Variants in TTC23 observed in about 807,000 individuals in gnomAD.
The protein encoded by TTC23 is tetratricopeptide repeat domain 23, also known as tetratricopeptide repeat protein 23.
Under a neutral mutation model 55.1 loss-of-function variants are expected in TTC23, and 58 were observed. That is an observed-to-expected ratio of 1.05 (90% CI 0.85 to 1.31). The LOEUF (loss-of-function observed/expected upper bound fraction) is 1.31. Among genes scored for constraint, TTC23 ranks in the 50% most tolerant of loss-of-function variants. TTC23 has a pLI of 0.00. For synonymous variants in TTC23, 203 were observed against 199.9 expected, an observed-to-expected ratio of 1.02 and a Z score of -0.13; for missense variants, 516 against 534.4, an observed-to-expected ratio of 0.97 and a Z score of 0.34.
At chr15:99,190,454 T>C (rs1214479198) in intron 9 of TTC23, among the ~76,000 whole-genome samples, 2 of 152,060 alleles carry the variant, frequency 1.3e-5, no homozygotes, top group African/African-American at 2.4e-5. Flanking sequence ...CTTGTTCTTA[T>C]AAAACATACA....
At chr15:99,162,800 C>A (rs1433494230) in intron 10 of TTC23, among the ~76,000 whole-genome samples, 1 of 152,038 alleles carries the variant, frequency 6.6e-6, no homozygotes. Context: ...GAGATTATGG[C>A]CGGGGGTGGT....
Position 99,147,203 on chromosome 15 carries a change from C to G in TTC23, c.1144-7804G>C, listed in dbSNP as rs185669291. ...TTGGGATTATAGGTGTGAGCCACAG[C>G]GCTGGGCCTCCAAATTCATTCCTTT... On this transcript the variant is annotated intron_variant, in intron 12 of 13. Coordinates refer to ENST00000394132, the MANE Select transcript of TTC23 (RefSeq NM_001288615.3). Among the ~76,000 whole-genome samples the G allele has an allele frequency of 6.0e-3, 879 of 145,762 alleles. 13 individuals carry two copies. Among genetic ancestry groups the G allele is most frequent in the Non-Finnish European group, 7.9e-3 (533 of 67,524 alleles).
At chr15:99,218,840 C>T (rs541024445) in intron 7 of TTC23, 58 bp downstream of exon 7, 46 of 1,594,718 alleles carry the variant, frequency 2.9e-5, no homozygotes, top group East Asian at 2.2e-4. Flanking sequence ...TTTTACTTGG[C>T]GTGTAAGTGT....
rs754993974 is a variant in TTC23, at chr15:99,175,094, A to G, written c.821T>C (p.Ile274Thr). The G allele has an allele frequency of 1.9e-6, 3 of 1,614,188 alleles. No homozygotes were observed. The highest frequency in any genetic ancestry group is 2.5e-6 in the Non-Finnish European group (3 of 1,180,032). ...SQVEAADSAH[I>T]VAHAAVASGR... ...TGAAGCGACAGCAGCATGGGCGACG[A>G]TGTGTGCCGAGTCTGCTGCCTCCAC... Residue 274 changes from isoleucine to threonine, a missense_variant, in exon 10 of 14, where the codon ATC becomes ACC. Coordinates refer to ENST00000394132, the MANE Select transcript of TTC23 (RefSeq NM_001288615.3).
chr15:99,190,157 G>A (rs1421165702), intron 9 of TTC23, among the ~76,000 whole-genome samples: 1 of 150,402 alleles, frequency 6.6e-6, no homozygotes, highest in Admixed American at 6.6e-5. Context: ...TCCAGCCTGG[G>A]TGACAAAGCA....
At chr15:99,145,873 A>AG (rs1373812043) in intron 12 of TTC23, among the ~76,000 whole-genome samples, 1 of 152,054 alleles carries the variant, frequency 6.6e-6, no homozygotes, top group Non-Finnish European at 1.5e-5. Context: ...TGGGAGATGA[A>AG]GGAGAAAGGG....
At chr15:99,170,682 A>T (rs1388872532) in intron 10 of TTC23, among the ~76,000 whole-genome samples, 1 of 152,242 alleles carries the variant, frequency 6.6e-6, no homozygotes, top group Non-Finnish European at 1.5e-5. Flanking sequence ...TGGAGGCAGC[A>T]GAGGCCTGGA....
chr15:99,143,184 T>C (rs999025361), intron 12 of TTC23, among the ~76,000 whole-genome samples: 13 of 152,236 alleles, frequency 8.5e-5, no homozygotes, highest in Non-Finnish European at 1.2e-4. Context: ...CTTCCAAAGA[T>C]AGCTTTTTAA....
intron 12 of TTC23, among the ~76,000 whole-genome samples, chr15:99,145,663 AGTCTATGTCTCTCTCTCT>A (rs2151845897): frequency 6.6e-6 from 1 of 152,136 alleles, no homozygotes; most frequent in Non-Finnish European, 1.5e-5. Context: ...TCTTTCTCTC[AGTCTATGTCTCTCTCTCT>A]GTCTCTGTCT....
At chr15:99,205,420 T>C (rs960692953) in intron 8 of TTC23, among the ~76,000 whole-genome samples, 9 of 152,150 alleles carry the variant, frequency 5.9e-5, no homozygotes, top group Non-Finnish European at 1.0e-4. Flanking sequence ...GCACTTCCAA[T>C]CCATGAACAT....
Position 99,223,179 on chromosome 15 carries a change from C to T in TTC23, c.181-1315G>A, listed in dbSNP as rs142231709. Reference sequence around the variant, plus strand: ...CAGTCTAAAGGAACTGGTGGCTTTGCTTTCTGTCTCTTCTTGGGTACTCAC... The same window carrying T: ...CAGTCTAAAGGAACTGGTGGCTTTGTTTTCTGTCTCTTCTTGGGTACTCAC... On this transcript the variant is annotated intron_variant, in intron 5 of 13. Transcript: ENST00000394132. 2.2e-3 allele frequency among the ~76,000 whole-genome samples: 338 copies of T among 152,308 alleles called. 2 individuals are homozygous for T. The highest frequency in any genetic ancestry group is 7.3e-3 in the African/African-American group (303 of 41,564).
rs1391264950 is a variant in TTC23 at position 99,218,658 on chromosome 15, G to C, written c.511C>G (p.Leu171Val). 1 of 1,614,000 alleles carries C rather than the reference G, an allele frequency of 6.2e-7. No homozygotes were observed. The highest frequency in any genetic ancestry group is 8.5e-7 in the Non-Finnish European group (1 of 1,180,016). ...TCCTTTATAATTCTTCCACATTGTA[G>C]CAGCTCCTTTGAAAGTCTCTCTGCT... ...TKAERLSKEL[L>V]QCGRIIKEEW... is the part of the protein sequence containing the mutation. The change falls in exon 8 of 14, where the codon CTA (leucine) becomes GTA (valine). Residue 171 changes from leucine to valine, a missense_variant. Transcript: ENST00000394132.
intron 10 of TTC23, among the ~76,000 whole-genome samples, chr15:99,163,602 T>A (rs1219466571): frequency 6.6e-6 from 1 of 152,258 alleles, no homozygotes. Flanking sequence ...AGTGCTATAG[T>A]CTGAATATTT....
Position 99,226,520 on chromosome 15 carries a change from C to T in TTC23, c.180+2013G>A, listed in dbSNP as rs563043416. 1.1e-4 allele frequency among the ~76,000 whole-genome samples: 16 copies of T among 152,246 alleles called. 1 individual carries two copies. The highest frequency in any genetic ancestry group is 2.6e-4 in the Admixed American group (4 of 15,294). ...AACTGATATTTTAAAAAGTAAATTA[C>T]GTCATGTTAATACCATGCTGAAAAT... On this transcript the variant is annotated intron_variant, in intron 5 of 13. Coordinates refer to ENST00000394132, the MANE Select transcript of TTC23 (RefSeq NM_001288615.3).
At chr15:99,140,737 C>G (rs1418268612) in intron 12 of TTC23, 1 of 148,602 alleles carries the variant, frequency 6.7e-6, no homozygotes, top group Non-Finnish European at 1.5e-5. Flanking sequence ...AAGTGAAAGA[C>G]TGATAAAATG....
intron 9 of TTC23, among the ~76,000 whole-genome samples, chr15:99,185,422 G>A (rs1255325002): frequency 6.6e-6 from 1 of 152,162 alleles, no homozygotes; most frequent in African/African-American, 2.4e-5. Flanking sequence ...GAGATCTAAA[G>A]CTAGATTTTC....
intron 3 of TTC23, among the ~76,000 whole-genome samples, chr15:99,241,154 T>C (rs927072172): frequency 6.6e-6 from 1 of 152,018 alleles, no homozygotes; most frequent in Non-Finnish European, 1.5e-5. Flanking sequence ...CTGTCTCTAC[T>C]AATACAAAAA....
intron 11 of TTC23, chr15:99,159,313 C>T (rs1432368233): frequency 6.6e-6 from 1 of 152,284 alleles, no homozygotes; most frequent in Non-Finnish European, 1.5e-5. Flanking sequence ...CACCTCTCTG[C>T]TCATCACTCC....
At chr15:99,241,923 C>T (rs1009363455) in intron 2 of TTC23, among the ~76,000 whole-genome samples, 1 of 152,042 alleles carries the variant, frequency 6.6e-6, no homozygotes. Context: ...TGGCTTGAGC[C>T]GAGGAGTTCA....
Sources: gnomAD v4.1 joint callset for allele counts (sites outside exome capture counted in the v4.1 genomes callset) on GRCh38, gnomAD v4.1.1 for gene constraint, MANE v1.5 for transcripts, NCBI Gene and HGNC (gene_info 2026-07-23, HGNC 2026-07-21) for gene names.